LRRTM3: variants seen among roughly 807,000 people sequenced by gnomAD.
The protein encoded by LRRTM3 is leucine rich repeat transmembrane neuronal 3.
In LRRTM3, 24 loss-of-function variants were observed where a neutral mutation model predicts 44.7. The ratio of observed to expected loss-of-function variants is 0.54; its 90% CI spans 0.39 to 0.76. LRRTM3 has a LOEUF of 0.76. LRRTM3 is among the 30% of genes least tolerant of loss of function. The pLI is 0.00. For synonymous variants in LRRTM3, 277 were observed against 278.7 expected (o/e 0.99, Z 0.06); for missense variants, 587 against 702.2 (o/e 0.84, Z 1.85).
At chr10:67,004,490 G>A (rs1257984948) in intron 2 of LRRTM3, among the ~76,000 whole-genome samples, 1 of 113,816 alleles carries the variant, frequency 8.8e-6, no homozygotes, top group Non-Finnish European at 2.0e-5. Flanking sequence ...TTCCCATAAT[G>A]CTTCTTCCCT....
At chr10:67,028,596 T>C (rs1853530943) in intron 2 of LRRTM3, among the ~76,000 whole-genome samples, 1 of 151,456 alleles carries the variant, frequency 6.6e-6, no homozygotes, top group Non-Finnish European at 1.5e-5. Context: ...ATGAGAATTT[T>C]CCAGGCCAAG....
chr10:67,100,377 TG>T lies in LRRTM3; in HGVS notation c.*2582del, dbSNP rs1320213162. ...CTTTAGCAAGAAAAAAAATGCTGGA[TG>T]ATGATTATTATTATTTTTGCTTAAT... On this transcript the variant is annotated 3_prime_UTR_variant, in exon 3 of 3. Coordinates refer to ENST00000361320, the MANE Select transcript of LRRTM3 (RefSeq NM_178011.5). 6.6e-6 allele frequency among the ~76,000 whole-genome samples: 1 copy of T among 151,752 alleles called. No homozygotes were observed. The highest frequency in any genetic ancestry group is 1.5e-5 in the Non-Finnish European group (1 of 67,810).
chr10:67,051,642 G>C (rs1440900493), intron 2 of LRRTM3, among the ~76,000 whole-genome samples: 1 of 151,858 alleles, frequency 6.6e-6, no homozygotes, highest in Non-Finnish European at 1.5e-5. Context: ...TTGACCTCAT[G>C]ATCTGTCCAC....
intron 2 of LRRTM3, among the ~76,000 whole-genome samples, chr10:67,070,729 G>C (rs898737972): frequency 6.6e-6 from 1 of 151,196 alleles, no homozygotes; most frequent in Non-Finnish European, 1.5e-5. Flanking sequence ...CCTGGCAACA[G>C]AGCAAGACCC....
At chr10:67,043,476 G>T (rs1444322466) in intron 2 of LRRTM3, among the ~76,000 whole-genome samples, 2 of 152,096 alleles carry the variant, frequency 1.3e-5, no homozygotes, top group Non-Finnish European at 2.9e-5. Context: ...CTCCTAAGCT[G>T]CATGTCATTT....
Position 66,928,097 on chromosome 10 carries a change from C to G in LRRTM3, c.1181C>G (p.Pro394Arg), listed in dbSNP as rs758292887. The change falls in exon 2 of 3, where the codon CCT becomes CGT. Residue 394 changes from proline to arginine, a missense_variant. By Grantham distance (103) the Pro-to-Arg change is moderately radical. Coordinates refer to ENST00000361320, the MANE Select transcript of LRRTM3 (RefSeq NM_178011.5). ...AGGCCGAAGCATGAGAGCAAACCCC[C>G]TTTGCCCCCGACGGTGGGAGCCACA... ...LPRPKHESKPPLPPTVGATEP... is the reference protein window; with the variant it reads ...LPRPKHESKPRLPPTVGATEP... The G allele has an allele frequency of 2.5e-6, 4 of 1,614,076 alleles. No homozygotes were observed. The highest frequency in any genetic ancestry group is 2.2e-5 in the South Asian group (2 of 91,084).
intron 2 of LRRTM3, among the ~76,000 whole-genome samples, chr10:66,957,425 T>C (rs201743298): frequency 1.5e-4 from 4 of 26,618 alleles, no homozygotes; most frequent in Admixed American, 3.2e-4. Context: ...CATATATATA[T>C]ATGCATATAT....
intron 2 of LRRTM3, among the ~76,000 whole-genome samples, chr10:66,944,148 T>C (rs1486849093): frequency 6.6e-6 from 1 of 152,234 alleles, no homozygotes; most frequent in Non-Finnish European, 1.5e-5. Context: ...TAGAACTTCT[T>C]TCAAAATTGA....
intron 2 of LRRTM3, among the ~76,000 whole-genome samples, chr10:66,991,143 T>A (rs1851015195): frequency 6.6e-6 from 1 of 152,174 alleles, no homozygotes. Context: ...GTTTTGTAAA[T>A]GAGCAGCACT....
At chr10:67,087,980 TGA>T (rs1344339483) in intron 2 of LRRTM3, among the ~76,000 whole-genome samples, 13 of 152,074 alleles carry the variant, frequency 8.5e-5, no homozygotes, top group African/African-American at 3.1e-4. Flanking sequence ...TGGTCTAATA[TGA>T]GATAAAAGAT....
At chr10:67,027,475 C>G (rs1274068505) in intron 2 of LRRTM3, among the ~76,000 whole-genome samples, 3 of 147,020 alleles carry the variant, frequency 2.0e-5, no homozygotes, top group Admixed American at 6.8e-5. Context: ...CGCTCTGTCA[C>G]CCAGGCTGGA....
intron 2 of LRRTM3, among the ~76,000 whole-genome samples, chr10:67,078,275 C>A (rs1211678198): frequency 6.6e-6 from 1 of 152,186 alleles, no homozygotes; most frequent in Non-Finnish European, 1.5e-5. Flanking sequence ...ATGTGTACTT[C>A]CAAGACTGTA....
At chr10:66,943,865 AG>A (rs1431261818) in intron 2 of LRRTM3, among the ~76,000 whole-genome samples, 1 of 152,190 alleles carries the variant, frequency 6.6e-6, no homozygotes, top group Admixed American at 6.5e-5. Context: ...ACTATGTCAA[AG>A]AAACAATGTG....
chr10:67,026,935 G>A (rs1192203364), intron 2 of LRRTM3, among the ~76,000 whole-genome samples: 1 of 152,178 alleles, frequency 6.6e-6, no homozygotes, highest in Non-Finnish European at 1.5e-5. Context: ...ATTTAGAAGA[G>A]GGATCATGCC....
chr10:66,982,063 T>C (rs958361856), intron 2 of LRRTM3, among the ~76,000 whole-genome samples: 1 of 152,158 alleles, frequency 6.6e-6, no homozygotes, highest in African/African-American at 2.4e-5. Context: ...TCCATACACA[T>C]AACATTAGAT....
At chr10:66,995,404 G>T (rs540338219) in intron 2 of LRRTM3, among the ~76,000 whole-genome samples, 5 of 152,104 alleles carry the variant, frequency 3.3e-5, no homozygotes, top group African/African-American at 9.6e-5. Flanking sequence ...CTCTTACATG[G>T]CCCATGGTAG....
In LRRTM3 at chr10:67,099,528, A is replaced by T. The variant is rs560385962; in HGVS notation, c.*1732A>T. On this transcript the variant is annotated 3_prime_UTR_variant, in exon 3 of 3. Coordinates refer to ENST00000361320, the MANE Select transcript of LRRTM3 (RefSeq NM_178011.5). ...TATCTCTTCCAAAGAAGTTATATCT[A>T]TAAAATCTAGTTTTATGCAGGTTTG... 6.6e-6 allele frequency: 1 copy of T among 152,258 alleles called. No homozygotes were observed. Among genetic ancestry groups the T allele is most frequent in the South Asian group, 2.1e-4 (1 of 4,832 alleles). 9.4% of individuals were successfully genotyped at this position (152,258 alleles called of 1,614,324 possible). A position where few individuals can be genotyped will look rare whatever the true frequency, so the allele number is the denominator to read the frequency against.
At chr10:67,056,524 A>G (rs1855441410) in intron 2 of LRRTM3, among the ~76,000 whole-genome samples, 1 of 152,140 alleles carries the variant, frequency 6.6e-6, no homozygotes, top group Non-Finnish European at 1.5e-5. Flanking sequence ...TGTATCTGTA[A>G]ACACTGTACT....
chr10:67,033,211 A>C (rs971431930), intron 2 of LRRTM3, among the ~76,000 whole-genome samples: 16 of 152,176 alleles, frequency 1.1e-4, no homozygotes, highest in Non-Finnish European at 4.4e-5. Flanking sequence ...GCTATTTTGA[A>C]ATCAAGTTCT....
Sources: gnomAD v4.1 joint callset for allele counts (sites outside exome capture counted in the v4.1 genomes callset) on GRCh38, gnomAD v4.1.1 for gene constraint, MANE v1.5 for transcripts, NCBI Gene and HGNC (gene_info 2026-07-23, HGNC 2026-07-21) for gene names.